The following PDE4DIP variants were observed in gnomAD, a reference collection of about 807,000 sequenced individuals.
The protein encoded by PDE4DIP is myomegalin.
A neutral mutation model predicts 221.4 loss-of-function variants in PDE4DIP; 59 were observed. That is an observed-to-expected ratio of 0.27 (90% CI 0.22 to 0.33). The LOEUF (loss-of-function observed/expected upper bound fraction) is 0.33. Ranked by LOEUF, PDE4DIP falls within the 10% of genes least tolerant of loss-of-function variation. The pLI is 1.00. For synonymous variants in PDE4DIP, 404 were observed against 815.9 expected, an observed-to-expected ratio of 0.50 and a Z score of 8.60; for missense variants, 1,036 against 2,154.2, an observed-to-expected ratio of 0.48 and a Z score of 10.28.
At chr1:148,981,361 C>T (rs142604413) in exon 21 of PDE4DIP, 152 of 1,613,848 alleles carry the variant, frequency 9.4e-5, no homozygotes, top group South Asian at 2.6e-4. Context: ...AAGCTTGGAG[C>T]GCTTAAACAG....
In PDE4DIP at chr1:149,001,553, G is replaced by A. The variant is rs375028314; in HGVS notation, c.3138-38G>A. The A allele has an allele frequency of 2.7e-4, 251 of 925,698 alleles. 1 individual carries two copies. In the African/African-American group the frequency reaches 3.5e-3, roughly 13 times the overall value. 57.3% of individuals were successfully genotyped at this position (925,698 alleles called of 1,614,324 possible). A position where few individuals can be genotyped will look rare whatever the true frequency, so the allele number is the denominator to read the frequency against. On this transcript the variant is annotated intron_variant, in intron 23 of 43. Transcript: ENST00000369354. Reference sequence around the variant, plus strand: ...AGGTAGTATTAGGAACTGTTGTGAGGACCAGACCTAGCCCTCAATTAAGTG... The same window carrying A: ...AGGTAGTATTAGGAACTGTTGTGAGAACCAGACCTAGCCCTCAATTAAGTG...
intron 5 of PDE4DIP, among the ~76,000 whole-genome samples, chr1:148,941,529 G>A (rs587718238): frequency 2.4e-5 from 3 of 127,062 alleles, no homozygotes; most frequent in South Asian, 2.7e-4. Context: ...CCTAGTTGTC[G>A]TGGAAACTGA....
chr1:149,005,020 A>G, exon 27 of PDE4DIP: 1 of 1,521,840 alleles, frequency 6.6e-7, no homozygotes, highest in Non-Finnish European at 9.1e-7. Flanking sequence ...AAGCCCTTGG[A>G]GAACCAGCTA....
At chr1:148,923,581 C>G (rs1352876792) in intron 1 of PDE4DIP, among the ~76,000 whole-genome samples, 5 of 140,956 alleles carry the variant, frequency 3.5e-5, no homozygotes, top group Non-Finnish European at 3.0e-5. Flanking sequence ...TCACGCCATT[C>G]TCCTGCCTCA....
In PDE4DIP at chr1:148,980,205, C is replaced by T. The variant is rs139879060; in HGVS notation, c.2687+356C>T. ...CTGTTAAAGGCTGTTCTATTATAAA[C>T]GTAAGGCTATGCCCTGTCTCTACTA... On this transcript the variant is annotated intron_variant, in intron 20 of 43. Coordinates refer to ENST00000369354, the Ensembl canonical transcript of PDE4DIP. Among the ~76,000 whole-genome samples, 1,062 of 152,268 alleles carry T rather than the reference C, an allele frequency of 7.0e-3. 11 individuals carry two copies. The highest frequency in any genetic ancestry group is 0.024 in the African/African-American group (993 of 41,580).
chr1:148,925,777 C>G (rs1247012448), intron 1 of PDE4DIP, among the ~76,000 whole-genome samples: 4 of 147,722 alleles, frequency 2.7e-5, no homozygotes, highest in Non-Finnish European at 6.0e-5. Context: ...GAATACTTAT[C>G]TTCATTAAAA....
chr1:148,823,903 T>C (rs1669972249), intron 1 of PDE4DIP, among the ~76,000 whole-genome samples: 1 of 150,706 alleles, frequency 6.6e-6, no homozygotes, highest in Non-Finnish European at 1.5e-5. Flanking sequence ...TCAGCATACA[T>C]CTAGTTTCCT....
chr1:148,963,854 C>T (rs1488513191), intron 9 of PDE4DIP, among the ~76,000 whole-genome samples: 6 of 138,098 alleles, frequency 4.3e-5, no homozygotes, highest in East Asian at 2.5e-4. Context: ...CTCGGGTTCA[C>T]GCCATTCTCC....
intron 21 of PDE4DIP, chr1:148,986,367 G>A (rs1553549577): frequency 6.6e-6 from 1 of 151,998 alleles, no homozygotes; most frequent in Non-Finnish European, 1.5e-5. Context: ...GTTAACATTT[G>A]TGCTAAAATG....
intron 21 of PDE4DIP, chr1:148,986,394 T>C (rs1399457665): frequency 6.6e-6 from 1 of 152,212 alleles, no homozygotes; most frequent in African/African-American, 2.4e-5. Flanking sequence ...AATTTTTACA[T>C]ATAAGTGTTA....
At chr1:148,950,489 A>G (rs1259183909) in intron 5 of PDE4DIP, among the ~76,000 whole-genome samples, 1 of 152,276 alleles carries the variant, frequency 6.6e-6, no homozygotes, top group Non-Finnish European at 1.5e-5. Context: ...ATTGCTATAC[A>G]TACTTGAGAC....
At chr1:148,820,938 C>T (rs1353123293) in intron 1 of PDE4DIP, among the ~76,000 whole-genome samples, 1 of 149,208 alleles carries the variant, frequency 6.7e-6, no homozygotes, top group Non-Finnish European at 1.5e-5. Context: ...GCAGGCTCCG[C>T]CCCCTGGGGT....
chr1:148,969,730 T>C (rs1355799032), intron 14 of PDE4DIP, among the ~76,000 whole-genome samples: 3 of 148,986 alleles, frequency 2.0e-5, no homozygotes, highest in Non-Finnish European at 4.5e-5. Flanking sequence ...TTTTTTGAGA[T>C]GGCATCTCCC....
At chr1:148,946,540 C>CA (rs67877634) in intron 5 of PDE4DIP, among the ~76,000 whole-genome samples, 38,438 of 109,336 alleles carry the variant, frequency 0.35, 6,146 homozygotes, top group Middle Eastern at 0.4. Flanking sequence ...GACTTCGTCT[C>CA]AAAAAAAAAA....
At chr1:148,947,963 G>T (rs1265234495) in intron 5 of PDE4DIP, among the ~76,000 whole-genome samples, 1 of 151,548 alleles carries the variant, frequency 6.6e-6, no homozygotes, top group East Asian at 1.9e-4. Flanking sequence ...AGACCTTATT[G>T]TGTCAGAAAC....
intron 21 of PDE4DIP, chr1:148,982,564 G>C (rs1553544566): frequency 1.3e-5 from 2 of 152,196 alleles, no homozygotes; most frequent in Non-Finnish European, 2.9e-5. Context: ...TTGTATTTCT[G>C]ATGTCTTGAA....
chr1:149,029,098 A>T (rs1415147435), intron 41 of PDE4DIP, among the ~76,000 whole-genome samples: 1 of 152,168 alleles, frequency 6.6e-6, no homozygotes, highest in African/African-American at 2.4e-5. Flanking sequence ...TTAAATGATC[A>T]CAGAATGCCC....
chr1:148,859,875 C>G (rs1205931175), intron 1 of PDE4DIP, among the ~76,000 whole-genome samples: 1 of 128,250 alleles, frequency 7.8e-6, no homozygotes, highest in Non-Finnish European at 1.7e-5. Context: ...CTGTCTCTAC[C>G]ATACCCCAAT....
intron 2 of PDE4DIP, chr1:148,866,596 GGAAGGA>G (rs1686827961): frequency 4.2e-5 from 2 of 47,140 alleles, no homozygotes; most frequent in Middle Eastern, 9.1e-3. Context: ...AAGGAAGGAA[GGAAGGA>G]AGGAAGGGAG....
Sources: allele counts gnomAD v4.1 joint callset (sites outside exome capture counted in the v4.1 genomes callset), GRCh38; gene constraint gnomAD v4.1.1; transcripts MANE v1.5; gene names NCBI Gene and HGNC (gene_info 2026-07-23, HGNC 2026-07-21).